KCNN2: variants seen among roughly 807,000 people sequenced by gnomAD.
KCNN2 encodes small conductance calcium-activated potassium channel protein 2.
KCNN2 carries 24 observed loss-of-function variants against 55.5 expected under a neutral mutation model. That is an observed-to-expected ratio of 0.43 (90% CI 0.31 to 0.61). The LOEUF (loss-of-function observed/expected upper bound fraction) is 0.61, where lower values mean the gene tolerates loss of function less well. Among genes scored for constraint, KCNN2 ranks in the 20% least tolerant of loss-of-function variants. The pLI, the probability that KCNN2 is intolerant of heterozygous loss-of-function variation, is 0.08. For synonymous variants in KCNN2, 431 were observed against 336.1 expected, an observed-to-expected ratio of 1.28 and a Z score of -3.09; for missense variants, 754 against 853.6, an observed-to-expected ratio of 0.88 and a Z score of 1.45.
At chr5:114,220,347 T>C (rs1754107390) in intron 1 of KCNN2, among the ~76,000 whole-genome samples, 1 of 152,052 alleles carries the variant, frequency 6.6e-6, no homozygotes, top group Non-Finnish European at 1.5e-5. Flanking sequence ...AGTATCTAAA[T>C]GCTACTTTAC....
chr5:114,426,001 A>G (rs1759612032), intron 3 of KCNN2, among the ~76,000 whole-genome samples: 1 of 150,886 alleles, frequency 6.6e-6, no homozygotes, highest in Non-Finnish European at 1.5e-5. Context: ...GCAACATTAC[A>G]AAACCCCATC....
At chr5:114,147,131 G>A (rs559343118) in intron 1 of KCNN2, among the ~76,000 whole-genome samples, 6 of 152,220 alleles carry the variant, frequency 3.9e-5, no homozygotes, top group South Asian at 4.1e-4. Context: ...TTGGTCTTAC[G>A]TACACTGCCT....
chr5:114,163,568 C>G (rs1159149735), intron 1 of KCNN2, among the ~76,000 whole-genome samples: 3 of 152,068 alleles, frequency 2.0e-5, no homozygotes, highest in Non-Finnish European at 4.4e-5. Flanking sequence ...GTCTTTAATT[C>G]TTTTATATTA....
chr5:114,351,574 G>C (rs915030726), intron 2 of KCNN2, among the ~76,000 whole-genome samples: 2 of 151,710 alleles, frequency 1.3e-5, no homozygotes, highest in African/African-American at 2.4e-5. Context: ...GATATTAGTA[G>C]TAGATTTTTT....
At chr5:114,069,068 G>A (rs1750511202) in intron 1 of KCNN2, among the ~76,000 whole-genome samples, 1 of 152,132 alleles carries the variant, frequency 6.6e-6, no homozygotes, top group Non-Finnish European at 1.5e-5. Flanking sequence ...GCCAGCCTCG[G>A]CCTCCCAATG....
At chr5:114,186,872 A>G (rs1310244269) in intron 1 of KCNN2, among the ~76,000 whole-genome samples, 1 of 152,170 alleles carries the variant, frequency 6.6e-6, no homozygotes, top group African/African-American at 2.4e-5. Flanking sequence ...TAGAAAGAAG[A>G]TAAAGCTACC....
chr5:114,080,242 T>C (rs1750780689), intron 1 of KCNN2, among the ~76,000 whole-genome samples: 1 of 152,220 alleles, frequency 6.6e-6, no homozygotes, highest in African/African-American at 2.4e-5. Flanking sequence ...TTGCTCAAGG[T>C]CATGCATTTA....
chr5:114,057,161 A>C (rs1750227025), intron 1 of KCNN2: 1 of 152,204 alleles, frequency 6.6e-6, no homozygotes, highest in Non-Finnish European at 1.5e-5. Context: ...GAGGAAACTC[A>C]CTAGGTTCAG....
At chr5:114,273,594 C>G (rs569826994) in intron 2 of KCNN2, among the ~76,000 whole-genome samples, 57 of 152,306 alleles carry the variant, frequency 3.7e-4, no homozygotes, top group Admixed American at 7.8e-4. Context: ...GTGCATTTCT[C>G]TAATGACCAG....
intron 2 of KCNN2, among the ~76,000 whole-genome samples, chr5:114,270,381 T>A (rs2150007852): frequency 6.6e-6 from 1 of 152,318 alleles, no homozygotes; most frequent in South Asian, 2.1e-4. Context: ...TAGCATCTTT[T>A]TAGAATTTTC....
chr5:114,368,669 T>TA (rs1254187428), intron 2 of KCNN2, among the ~76,000 whole-genome samples: 3 of 152,276 alleles, frequency 2.0e-5, no homozygotes, highest in Middle Eastern at 3.4e-3. Flanking sequence ...ATACACATAA[T>TA]AAAAACAGTA....
chr5:114,482,564 C>T (rs943585882), intron 5 of KCNN2, among the ~76,000 whole-genome samples: 34 of 152,034 alleles, frequency 2.2e-4, no homozygotes, highest in African/African-American at 8.2e-4. Context: ...CTATTATAAA[C>T]ATATATGCAT....
At chr5:114,417,458 T>A (rs542152256) in intron 3 of KCNN2, among the ~76,000 whole-genome samples, 2 of 152,342 alleles carry the variant, frequency 1.3e-5, no homozygotes, top group Admixed American at 1.3e-4. Context: ...CTAGGTTTTT[T>A]ATCCCTGTTT....
At chr5:114,174,479 C>G (rs1753099571) in intron 1 of KCNN2, among the ~76,000 whole-genome samples, 1 of 152,040 alleles carries the variant, frequency 6.6e-6, no homozygotes, top group Non-Finnish European at 1.5e-5. Context: ...TTTGGAAACC[C>G]TAAGTTTTCT....
At chr5:114,366,127 G>A (rs982447912) in intron 2 of KCNN2, among the ~76,000 whole-genome samples, 1 of 152,096 alleles carries the variant, frequency 6.6e-6, no homozygotes, top group Non-Finnish European at 1.5e-5. Flanking sequence ...ATAGATTAAT[G>A]CTTGAAAGCA....
At chr5:114,296,098 CT>C (rs1756007255) in intron 2 of KCNN2, among the ~76,000 whole-genome samples, 2 of 152,198 alleles carry the variant, frequency 1.3e-5, no homozygotes, top group Non-Finnish European at 2.9e-5. Flanking sequence ...CTCAGATTAT[CT>C]GGTGGTCTAA....
chr5:114,261,995 G>A lies in KCNN2; in HGVS notation c.-185+40430G>A, dbSNP rs143910342. On this transcript the variant is annotated intron_variant, in intron 2 of 10. Coordinates refer to the KCNN2 transcript ENST00000512097. Reference sequence around the variant, plus strand: ...GTTCAAAACAAGCAAAGTGTGCTTTGTTATATATTGAAATCCTCAGGGTGG... The same window carrying A: ...GTTCAAAACAAGCAAAGTGTGCTTTATTATATATTGAAATCCTCAGGGTGG... Among the ~76,000 whole-genome samples the A allele has an allele frequency of 1.8e-3, 279 of 152,264 alleles. 2 individuals carry two copies. The highest frequency in any genetic ancestry group is 6.5e-3 in the African/African-American group (271 of 41,562).
At chr5:114,373,012 A>C (rs1299322383) in intron 2 of KCNN2, among the ~76,000 whole-genome samples, 1 of 152,170 alleles carries the variant, frequency 6.6e-6, no homozygotes, top group Non-Finnish European at 1.5e-5. Flanking sequence ...GAGAGAAATT[A>C]CTGAATTAAA....
At chr5:114,249,638 C>T (rs1754819326) in intron 2 of KCNN2, among the ~76,000 whole-genome samples, 1 of 147,886 alleles carries the variant, frequency 6.8e-6, no homozygotes, top group Non-Finnish European at 1.5e-5. Flanking sequence ...ATGATAGATT[C>T]AAATATACAA....
Sources: allele counts gnomAD v4.1 joint callset (sites outside exome capture counted in the v4.1 genomes callset), GRCh38; gene constraint gnomAD v4.1.1; transcripts MANE v1.5; gene names NCBI Gene and HGNC (gene_info 2026-07-23, HGNC 2026-07-21).